Variants in FMN1 observed in about 807,000 individuals in gnomAD.
FMN1 encodes formin 1, also known as formin-1.
A neutral mutation model predicts 132.4 loss-of-function variants in FMN1; 110 were observed. The observed-to-expected ratio is 0.83, with a 90% CI of 0.71 to 0.97. The LOEUF is 0.97. FMN1 is among the 50% of genes least tolerant of loss of function. The pLI is 0.00. For missense variants in FMN1, 1,792 were observed against 1,705.3 expected, an observed-to-expected ratio of 1.05 and a Z score of -0.90; for synonymous variants, 722 against 651.7, an observed-to-expected ratio of 1.11 and a Z score of -1.64.
intron 15 of FMN1, among the ~76,000 whole-genome samples, chr15:32,895,920 G>A (rs527629562): frequency 6.6e-6 from 1 of 151,944 alleles, no homozygotes; most frequent in African/African-American, 2.4e-5. Flanking sequence ...ACCTTTTATG[G>A]TTTGTGTCTT....
intron 5 of FMN1, among the ~76,000 whole-genome samples, chr15:33,069,993 C>CTCTCTTTTTTTTTTTTTTTTTTT (rs398026774): frequency 1.3e-5 from 1 of 74,292 alleles, no homozygotes; most frequent in African/African-American, 5.3e-5. Context: ...CAGTCTTTCT[C>CTCTCTTTTTTTTTTTTTTTTTTT]TTTTTTTTTT....
In FMN1 at chr15:33,154,768, G is replaced by A. The variant is rs1964604588; in HGVS notation, c.147C>T (p.Asn49=). The stretch of plus-strand genomic sequence containing the variant: ...CTGACTCCTCCCTGACTTGGTAGCA[G>A]TTATGAAAACCTTTATTGGATCTGT... ...TLDRSNKGFH[N]CYQVREESDI... The change falls in exon 4 of 21, where the codon AAC becomes AAT. Residue 49 remains asparagine, a synonymous_variant. Coordinates refer to ENST00000616417, the MANE Select transcript of FMN1 (RefSeq NM_001277313.2). The A allele has an allele frequency of 3.9e-6, 6 of 1,536,122 alleles. No individual in the cohort carries two copies. The highest frequency in any genetic ancestry group is 5.2e-6 in the Non-Finnish European group (6 of 1,146,916).
At chr15:33,108,609 T>C (rs115564044) in intron 4 of FMN1, among the ~76,000 whole-genome samples, 1,773 of 152,138 alleles carry the variant, frequency 0.012, 28 homozygotes, top group African/African-American at 0.041. Context: ...TACTATATAA[T>C]GAAAACTACC....
At chr15:32,916,454 A>G (rs1019518995) in intron 10 of FMN1, among the ~76,000 whole-genome samples, 1 of 152,204 alleles carries the variant, frequency 6.6e-6, no homozygotes, top group Admixed American at 6.5e-5. Flanking sequence ...CTGAGCAAGA[A>G]GCATGGGACA....
chr15:33,161,931 GAAA>G (rs76817753), intron 3 of FMN1, among the ~76,000 whole-genome samples: 3 of 146,350 alleles, frequency 2.0e-5, no homozygotes, highest in African/African-American at 7.5e-5. Context: ...AAACAAAAAA[GAAA>G]AAAAAAAAAA....
chr15:32,959,423 T>C (rs1040530716), intron 9 of FMN1, among the ~76,000 whole-genome samples: 1 of 152,238 alleles, frequency 6.6e-6, no homozygotes, highest in Non-Finnish European at 1.5e-5. Flanking sequence ...TGGAGTTTTC[T>C]GGCATCAATT....
intron 17 of FMN1, 50 bp downstream of exon 17, chr15:32,856,965 T>C: frequency 7.6e-7 from 1 of 1,314,642 alleles, no homozygotes; most frequent in Non-Finnish European, 1.1e-6. Context: ...ATTCATGGAA[T>C]GAAGGATGTT....
intron 4 of FMN1, chr15:33,151,413 G>A: frequency 6.5e-7 from 1 of 1,534,336 alleles, no homozygotes; most frequent in Non-Finnish European, 8.7e-7. Flanking sequence ...TTGAGTGATT[G>A]CACGGAGAGG....
intron 8 of FMN1, among the ~76,000 whole-genome samples, chr15:32,968,249 A>C (rs1438501859): frequency 1.3e-5 from 2 of 152,252 alleles, no homozygotes; most frequent in African/African-American, 4.8e-5. Flanking sequence ...CATTCTTTTA[A>C]TAAAAACTGA....
intron 9 of FMN1, among the ~76,000 whole-genome samples, chr15:32,939,948 A>G (rs187629376): frequency 1.3e-5 from 2 of 152,336 alleles, no homozygotes; most frequent in East Asian, 1.9e-4. Context: ...TACAAAAGTT[A>G]TAAGAAACTG....
chr15:33,029,365 G>T (rs959226714), intron 6 of FMN1, among the ~76,000 whole-genome samples: 1 of 152,054 alleles, frequency 6.6e-6, no homozygotes, highest in Non-Finnish European at 1.5e-5. Context: ...TTTAAATGAG[G>T]TCAAATGCTC....
chr15:32,821,247 C>A (rs1203776921), intron 17 of FMN1, among the ~76,000 whole-genome samples: 2 of 151,746 alleles, frequency 1.3e-5, no homozygotes, highest in Non-Finnish European at 2.9e-5. Flanking sequence ...AAAGTTGGTC[C>A]ATTCGTGTTT....
At chr15:33,189,639 T>C (rs1966005580) in intron 2 of FMN1, among the ~76,000 whole-genome samples, 1 of 152,222 alleles carries the variant, frequency 6.6e-6, no homozygotes, top group Admixed American at 6.5e-5. Context: ...AGGTACATAC[T>C]ATCCAGATTC....
intron 6 of FMN1, among the ~76,000 whole-genome samples, chr15:33,022,094 G>A (rs952776369): frequency 2.6e-5 from 4 of 152,180 alleles, no homozygotes; most frequent in Non-Finnish European, 4.4e-5. Flanking sequence ...TAGCATTTGT[G>A]TATAACCTAT....
intron 5 of FMN1, among the ~76,000 whole-genome samples, chr15:33,088,028 G>A (rs1245236291): frequency 6.6e-6 from 1 of 152,076 alleles, no homozygotes; most frequent in Non-Finnish European, 1.5e-5. Flanking sequence ...AAAGGCATCA[G>A]AATGATACAA....
At chr15:33,005,544 A>C (rs1003879498) in intron 7 of FMN1, among the ~76,000 whole-genome samples, 1 of 152,180 alleles carries the variant, frequency 6.6e-6, no homozygotes, top group Non-Finnish European at 1.5e-5. Flanking sequence ...ATATAAGATC[A>C]TAAGACTTTT....
Position 32,901,968 on chromosome 15 carries a change from A to G in FMN1, c.3450T>C (p.Phe1150=). The G allele has an allele frequency of 6.2e-7, 1 of 1,613,480 alleles. No individual in the cohort carries two copies. Among genetic ancestry groups the G allele is most frequent in the Non-Finnish European group, 8.5e-7 (1 of 1,179,538 alleles). ...RAQCIIFRSV[F]SEGITSLHRK... is the part of the protein sequence containing the mutation. ...TGTGCAAGGAGGTGATACCCTCAGA[A>G]AAGACAGATCTGAAGATTATGCACT... Residue 1150 remains phenylalanine (F), a synonymous_variant, in exon 13 of 21, where the codon TTT becomes TTC. Coordinates refer to ENST00000616417, the MANE Select transcript of FMN1 (RefSeq NM_001277313.2).
intron 9 of FMN1, among the ~76,000 whole-genome samples, chr15:32,940,044 A>G (rs1196123281): frequency 6.6e-6 from 1 of 152,092 alleles, no homozygotes; most frequent in Non-Finnish European, 1.5e-5. Context: ...TATTTTGACA[A>G]TTTTTCAGTT....
At chr15:32,805,417 G>A (rs1051085913) in intron 17 of FMN1, among the ~76,000 whole-genome samples, 10 of 152,086 alleles carry the variant, frequency 6.6e-5, no homozygotes, top group Admixed American at 3.9e-4. Context: ...TGTCAGATGG[G>A]TAGATTGCAA....
Sources: allele counts gnomAD v4.1 joint callset (sites outside exome capture counted in the v4.1 genomes callset), GRCh38; gene constraint gnomAD v4.1.1; transcripts MANE v1.5; gene names NCBI Gene and HGNC (gene_info 2026-07-23, HGNC 2026-07-21).